The following CHSY3 variants were observed in gnomAD, a reference collection of about 807,000 sequenced individuals.
CHSY3 encodes N-acetylgalactosaminyl-proteoglycan 3-beta-glucuronosyltransferase 3.
CHSY3 carries 35 observed loss-of-function variants against 67.2 expected under a neutral mutation model. The ratio of observed to expected loss-of-function variants is 0.52; its 90% CI spans 0.40 to 0.69. CHSY3 has a LOEUF of 0.69. Among genes scored for constraint, CHSY3 ranks in the 30% least tolerant of loss-of-function variants. The pLI is 0.00. For synonymous variants in CHSY3, 474 were observed against 434.7 expected (o/e 1.09, Z -1.12); for missense variants, 1,069 against 1,138.5 (o/e 0.94, Z 0.88).
intron 2 of CHSY3, among the ~76,000 whole-genome samples, chr5:130,049,798 A>G (rs1409336256): frequency 6.7e-6 from 1 of 150,356 alleles, no homozygotes; most frequent in East Asian, 1.9e-4. Flanking sequence ...TGAGATTGTC[A>G]ATAACCACGC....
At chr5:130,173,778 A>G (rs1448814537) in intron 2 of CHSY3, among the ~76,000 whole-genome samples, 1 of 152,016 alleles carries the variant, frequency 6.6e-6, no homozygotes, top group Non-Finnish European at 1.5e-5. Flanking sequence ...ATAGAATGAA[A>G]TATGTATGTT....
rs890720490 is a variant in CHSY3, at chr5:129,904,774, A to T, written c.-56A>T. ...GAGGAGGGGCGGGTGTGAGCCGGGGAAACCGCGTGCCGCGCCGCGACAGCC... is the reference window on the plus strand; with the variant it reads ...GAGGAGGGGCGGGTGTGAGCCGGGGTAACCGCGTGCCGCGCCGCGACAGCC... On this transcript the variant is annotated 5_prime_UTR_variant, in exon 1 of 3. Coordinates refer to ENST00000305031, the MANE Select transcript of CHSY3 (RefSeq NM_175856.5). 37 of 1,306,808 alleles carry T rather than the reference A, an allele frequency of 2.8e-5. No individual in the cohort carries two copies. The highest frequency in any genetic ancestry group is 2.9e-4 in the Middle Eastern group (1 of 3,416). The allele number at this position is 1,306,808 out of a possible 1,614,324, so 81.0% of individuals were successfully genotyped here.
At chr5:129,926,648 G>A (rs751830765) in intron 2 of CHSY3, among the ~76,000 whole-genome samples, 1 of 151,464 alleles carries the variant, frequency 6.6e-6, no homozygotes, top group Non-Finnish European at 1.5e-5. Flanking sequence ...ATGCAGTTGT[G>A]GTAAATCAAA....
chr5:129,983,388 T>C (rs1282399836), intron 2 of CHSY3, among the ~76,000 whole-genome samples: 3 of 152,090 alleles, frequency 2.0e-5, no homozygotes, highest in Admixed American at 2.0e-4. Flanking sequence ...ACATCCATAT[T>C]TGTCAACATT....
chr5:130,027,608 T>C (rs113993308), intron 2 of CHSY3, among the ~76,000 whole-genome samples: 5 of 151,664 alleles, frequency 3.3e-5, no homozygotes, highest in African/African-American at 1.2e-4. Flanking sequence ...TCTCCTAATG[T>C]TTTCCCTCCC....
chr5:130,141,829 A>G (rs187092560), intron 2 of CHSY3: 37 of 377,190 alleles, frequency 9.8e-5, no homozygotes, highest in Admixed American at 4.7e-4. Context: ...CTGCAACCAC[A>G]TAATTACCAA....
chr5:130,118,924 C>T (rs1767913987), intron 2 of CHSY3, among the ~76,000 whole-genome samples: 1 of 152,086 alleles, frequency 6.6e-6, no homozygotes, highest in Non-Finnish European at 1.5e-5. Flanking sequence ...ACTAAAAGCT[C>T]AATGCTGGCT....
At chr5:130,079,520 C>T (rs1766379016) in intron 2 of CHSY3, among the ~76,000 whole-genome samples, 1 of 151,902 alleles carries the variant, frequency 6.6e-6, no homozygotes, top group South Asian at 2.1e-4. Flanking sequence ...TGAATGCTGT[C>T]GTATGTAGAG....
At chr5:129,984,981 C>G (rs1763139172) in intron 2 of CHSY3, among the ~76,000 whole-genome samples, 1 of 152,096 alleles carries the variant, frequency 6.6e-6, no homozygotes, top group East Asian at 1.9e-4. Context: ...GCTATTTATG[C>G]TGTTGATAGT....
intron 2 of CHSY3, among the ~76,000 whole-genome samples, chr5:129,987,569 A>G (rs1441147641): frequency 6.6e-6 from 1 of 152,162 alleles, no homozygotes; most frequent in Non-Finnish European, 1.5e-5. Flanking sequence ...GCTTAAAGGA[A>G]TGACTTCTAC....
At chr5:130,178,206 TATATATGTATATA>T (rs2149735928) in intron 2 of CHSY3, among the ~76,000 whole-genome samples, 1 of 128,906 alleles carries the variant, frequency 7.8e-6, no homozygotes, top group East Asian at 2.1e-4. Context: ...TATATTTATA[TATATATGTATATA>T]TTTATATTTA....
intron 2 of CHSY3, among the ~76,000 whole-genome samples, chr5:129,953,340 T>A (rs1156706520): frequency 1.3e-5 from 2 of 152,188 alleles, no homozygotes; most frequent in Non-Finnish European, 2.9e-5. Context: ...TAGTATTCTG[T>A]GGTGTATATG....
intron 2 of CHSY3, among the ~76,000 whole-genome samples, chr5:130,025,173 A>G (rs1177364935): frequency 6.6e-6 from 1 of 152,068 alleles, no homozygotes. Flanking sequence ...TCAGCCCCTT[A>G]ATTTGGCTTT....
At chr5:130,112,192 C>G (rs1405295474) in intron 2 of CHSY3, among the ~76,000 whole-genome samples, 1 of 152,098 alleles carries the variant, frequency 6.6e-6, no homozygotes, top group East Asian at 1.9e-4. Flanking sequence ...ACTTGTTGTT[C>G]TCATGATAAA....
chr5:129,945,786 T>G (rs2149597579), intron 2 of CHSY3, among the ~76,000 whole-genome samples: 1 of 152,330 alleles, frequency 6.6e-6, no homozygotes, highest in East Asian at 1.9e-4. Flanking sequence ...TGTGGGATTT[T>G]TGATTCTGTT....
chr5:130,086,889 C>A (rs1352745157), intron 2 of CHSY3, among the ~76,000 whole-genome samples: 1 of 152,016 alleles, frequency 6.6e-6, no homozygotes, highest in African/African-American at 2.4e-5. Context: ...CATCCTGATA[C>A]CAAAGCCTGG....
At chr5:130,011,092 T>G (rs1389696449) in intron 2 of CHSY3, among the ~76,000 whole-genome samples, 1 of 152,132 alleles carries the variant, frequency 6.6e-6, no homozygotes, top group Admixed American at 6.6e-5. Context: ...TCCATTGACT[T>G]GAGAAAGCAG....
chr5:129,933,226 T>A (rs1581380464), intron 2 of CHSY3, among the ~76,000 whole-genome samples: 2 of 152,106 alleles, frequency 1.3e-5, no homozygotes. Flanking sequence ...TCTGTTAGCC[T>A]GGATGGCCAC....
Position 129,921,119 on chromosome 5 carries a change from C to T in CHSY3, c.1086+12759C>T, listed in dbSNP as rs77057937. On this transcript the variant is annotated intron_variant, in intron 2 of 2. Transcript: ENST00000305031. ...ATAGGCGTGAACCATCGTGCATAGC[C>T]GATTTTTTTTCTTAAGTCCAGAACT... Among the ~76,000 whole-genome samples, 574 of 152,268 alleles carry T rather than the reference C, an allele frequency of 3.8e-3. 3 individuals are homozygous for T. The highest frequency in any genetic ancestry group is 5.0e-3 in the Non-Finnish European group (340 of 68,026).
Sources: allele counts gnomAD v4.1 joint callset (sites outside exome capture counted in the v4.1 genomes callset), GRCh38; gene constraint gnomAD v4.1.1; transcripts MANE v1.5; gene names NCBI Gene and HGNC (gene_info 2026-07-23, HGNC 2026-07-21).